FHIT: variants seen among roughly 807,000 people sequenced by gnomAD.
FHIT encodes bis(5'-adenosyl)-triphosphatase.
FHIT carries 19 observed loss-of-function variants against 17.9 expected under a neutral mutation model. The observed-to-expected ratio is 1.06, with a 90% confidence interval of 0.74 to 1.56. The LOEUF (loss-of-function observed/expected upper bound fraction) is 1.56. Among genes scored for constraint, FHIT ranks in the 40% most tolerant of loss-of-function variants. The pLI is 0.00. For synonymous variants in FHIT, 81 were observed against 69.7 expected, an observed-to-expected ratio of 1.16 and a Z score of -0.81; for missense variants, 248 against 189.2, an observed-to-expected ratio of 1.31 and a Z score of -1.82.
rs1247719912 is a variant in FHIT, at chr3:60,715,191, T to C, written c.-18+106728A>G. 2.6e-5 allele frequency among the ~76,000 whole-genome samples: 4 copies of C among 152,148 alleles called. No homozygotes were observed. In the East Asian group the frequency reaches 7.7e-4, roughly 29 times the overall value. ...CAAAAACAAGCAATGGGGAAAGGATTCCCTATTTAATAAATGGTGCTGGGA... is the reference window on the plus strand; with the variant it reads ...CAAAAACAAGCAATGGGGAAAGGATCCCCTATTTAATAAATGGTGCTGGGA... On this transcript the variant is annotated intron_variant, in intron 4 of 9. Coordinates refer to ENST00000492590, the MANE Select transcript of FHIT (RefSeq NM_002012.4).
intron 4 of FHIT, among the ~76,000 whole-genome samples, chr3:60,645,794 A>G (rs113870208): frequency 2.0e-5 from 3 of 152,302 alleles, no homozygotes; most frequent in African/African-American, 4.8e-5. Context: ...AGTTAACGCT[A>G]TAAGAGCCTC....
chr3:59,846,210 T>C (rs1268298430), intron 8 of FHIT, among the ~76,000 whole-genome samples: 1 of 152,144 alleles, frequency 6.6e-6, no homozygotes, highest in African/African-American at 2.4e-5. Context: ...GGTTGATTTC[T>C]TGTTTTGATA....
In FHIT at chr3:60,578,437, C is replaced by T. The variant is rs537638117; in HGVS notation, c.-17-41458G>A. 4.5e-4 allele frequency among the ~76,000 whole-genome samples: 30 copies of T among 66,654 alleles called. No homozygotes were observed. The South Asian group carries it at 0.013, about 29-fold the overall frequency. The allele number at this position is 66,654 out of a possible 152,430, so 43.7% of individuals were successfully genotyped here. ...GGGCGAAAGAGCATGACTCCATCTA[C>T]AAAACACACACACACACACACACAC... On this transcript the variant is annotated intron_variant, in intron 4 of 9. Coordinates refer to ENST00000492590, the MANE Select transcript of FHIT (RefSeq NM_002012.4).
At chr3:60,184,628 T>G (rs759429155) in intron 5 of FHIT, among the ~76,000 whole-genome samples, 26 of 152,184 alleles carry the variant, frequency 1.7e-4, no homozygotes, top group Non-Finnish European at 2.6e-4. Flanking sequence ...TTTATTCAAT[T>G]TTTGCATTCT....
intron 5 of FHIT, among the ~76,000 whole-genome samples, chr3:60,457,802 C>T (rs1419902064): frequency 6.6e-6 from 1 of 151,516 alleles, no homozygotes; most frequent in African/African-American, 2.4e-5. Flanking sequence ...CAAAAGAAGA[C>T]ATTTATGCAG....
chr3:60,889,355 C>T lies in FHIT; in HGVS notation c.-110-67344G>A, dbSNP rs116815721. Among the ~76,000 whole-genome samples, 494 of 152,312 alleles carry T rather than the reference C, an allele frequency of 3.2e-3. 5 individuals carry two copies. Among genetic ancestry groups the T allele is most frequent in the African/African-American group, 0.011 (470 of 41,568 alleles). On this transcript the variant is annotated intron_variant, in intron 3 of 9. Transcript: ENST00000492590. The stretch of plus-strand genomic sequence containing the variant: ...CTCACCATTGTTCCATCTGTAAGGG[C>T]GTACCCTTCTGTAGAAGTAACTTGC...
At chr3:60,198,245 A>G (rs1454069932) in intron 5 of FHIT, among the ~76,000 whole-genome samples, 1 of 152,170 alleles carries the variant, frequency 6.6e-6, no homozygotes, top group Non-Finnish European at 1.5e-5. Flanking sequence ...ACTTTCATCA[A>G]AAAATTATCA....
At chr3:60,983,887 T>C (rs895236782) in intron 3 of FHIT, among the ~76,000 whole-genome samples, 2 of 152,146 alleles carry the variant, frequency 1.3e-5, no homozygotes, top group Non-Finnish European at 2.9e-5. Context: ...AATCAGCCAC[T>C]ACATCACAAC....
chr3:60,102,427 C>T (rs2107145120), intron 5 of FHIT, among the ~76,000 whole-genome samples: 1 of 152,304 alleles, frequency 6.6e-6, no homozygotes, highest in Non-Finnish European at 1.5e-5. Flanking sequence ...AGTAAGCCAG[C>T]ACTTTCTGCT....
At chr3:61,236,849 C>T (rs2040241884) in intron 1 of FHIT, among the ~76,000 whole-genome samples, 1 of 152,196 alleles carries the variant, frequency 6.6e-6, no homozygotes, top group South Asian at 2.1e-4. Flanking sequence ...TCCTGGCCCA[C>T]TCAGAGTAGC....
rs184827394 is a variant in FHIT, at chr3:60,018,837, G to A, written c.104-4685C>T. On this transcript the variant is annotated intron_variant, in intron 5 of 9. Coordinates refer to ENST00000492590, the MANE Select transcript of FHIT (RefSeq NM_002012.4). ...TACTAAAAATACAAAAAAAACAGCT[G>A]GGCATGGTGGCGGGCATCTGTAATC... Among the ~76,000 whole-genome samples the A allele has an allele frequency of 1.7e-3, 263 of 152,116 alleles. 3 individuals are homozygous for A. Among genetic ancestry groups the A allele is most frequent in the African/African-American group, 5.9e-3 (245 of 41,510 alleles).
chr3:60,310,624 C>A (rs1480002985), intron 5 of FHIT, among the ~76,000 whole-genome samples: 1 of 152,080 alleles, frequency 6.6e-6, no homozygotes, highest in Non-Finnish European at 1.5e-5. Context: ...CCAGTCCAAC[C>A]TAACCTGGCC....
At chr3:60,361,419 T>C (rs1699902015) in intron 5 of FHIT, among the ~76,000 whole-genome samples, 1 of 152,078 alleles carries the variant, frequency 6.6e-6, no homozygotes, top group Non-Finnish European at 1.5e-5. Flanking sequence ...GTTTTATAAG[T>C]AAAAGACACC....
intron 4 of FHIT, among the ~76,000 whole-genome samples, chr3:60,566,593 T>A (rs964333187): frequency 1.3e-5 from 2 of 152,044 alleles, no homozygotes; most frequent in African/African-American, 4.8e-5. Context: ...AACATAGTGT[T>A]GGAAGCTCTG....
chr3:60,804,865 C>G (rs1461156595), intron 4 of FHIT, among the ~76,000 whole-genome samples: 3 of 152,228 alleles, frequency 2.0e-5, no homozygotes, highest in African/African-American at 7.2e-5. Flanking sequence ...TCTCTGCCAT[C>G]CCAGCTGCCA....
intron 2 of FHIT, among the ~76,000 whole-genome samples, chr3:61,135,208 G>C (rs1005887699): frequency 6.6e-6 from 1 of 152,208 alleles, no homozygotes; most frequent in African/African-American, 2.4e-5. Context: ...AGAATGCTAA[G>C]AGAAAGTGGC....
chr3:60,109,861 A>G (rs1251751552), intron 5 of FHIT, among the ~76,000 whole-genome samples: 1 of 152,106 alleles, frequency 6.6e-6, no homozygotes, highest in Non-Finnish European at 1.5e-5. Context: ...CCAAAATTAA[A>G]CCAATGATGT....
chr3:61,086,895 T>C (rs922050726), intron 2 of FHIT, among the ~76,000 whole-genome samples: 10 of 152,182 alleles, frequency 6.6e-5, no homozygotes, highest in Non-Finnish European at 1.3e-4. Flanking sequence ...ATTCTAGTGA[T>C]ACAGACATAG....
intron 5 of FHIT, among the ~76,000 whole-genome samples, chr3:60,228,958 C>T (rs897356009): frequency 6.6e-6 from 1 of 152,160 alleles, no homozygotes; most frequent in Non-Finnish European, 1.5e-5. Context: ...GTTGCTGAGC[C>T]ACTAAGTGGC....
Sources: gnomAD v4.1 joint callset for allele counts (sites outside exome capture counted in the v4.1 genomes callset) on GRCh38, gnomAD v4.1.1 for gene constraint, MANE v1.5 for transcripts, NCBI Gene and HGNC (gene_info 2026-07-23, HGNC 2026-07-21) for gene names.